ESRRB: variants seen among roughly 807,000 people sequenced by gnomAD.
ESRRB encodes the protein estrogen related receptor beta.
In ESRRB, 16 loss-of-function variants were observed where a neutral mutation model predicts 46.0. That is an observed-to-expected ratio of 0.35 (90% CI 0.24 to 0.53). The LOEUF is 0.53. Among genes scored for constraint, ESRRB ranks in the 20% least tolerant of loss-of-function variants. The pLI is 0.93. For missense variants in ESRRB, 488 were observed against 607.4 expected, an observed-to-expected ratio of 0.80 and a Z score of 2.07; for synonymous variants, 246 against 259.6, an observed-to-expected ratio of 0.95 and a Z score of 0.50.
At chr14:76,369,315 C>T (rs1292669735), upstream of ESRRB, among the ~76,000 whole-genome samples, 1 of 150,310 alleles carries the variant, frequency 6.7e-6, no homozygotes, top group Non-Finnish European at 1.5e-5. Context: ...AGCTCTGTCA[C>T]CTAGGCTGGA....
chr14:76,497,380 C>T (rs1890473556), intron 6 of ESRRB, among the ~76,000 whole-genome samples: 1 of 152,136 alleles, frequency 6.6e-6, no homozygotes, highest in Non-Finnish European at 1.5e-5. Context: ...GCTTCAGTCA[C>T]CCTCACCACC....
chr14:76,413,221 C>T (rs891808689), intron 1 of ESRRB, among the ~76,000 whole-genome samples: 1 of 152,130 alleles, frequency 6.6e-6, no homozygotes, highest in Admixed American at 6.5e-5. Flanking sequence ...TGAGCCTGCC[C>T]CTCAAAGGGT....
At chr14:76,330,058 C>T (rs1273750029) in intron 1 of ESRRB, among the ~76,000 whole-genome samples, 2 of 151,904 alleles carry the variant, frequency 1.3e-5, no homozygotes, top group African/African-American at 4.8e-5. Context: ...GGCAGAAGAG[C>T]GAATGACGGA....
chr14:76,339,940 C>T (rs531926716), intron 1 of ESRRB, among the ~76,000 whole-genome samples: 6 of 152,210 alleles, frequency 3.9e-5, no homozygotes, highest in South Asian at 4.2e-4. Flanking sequence ...AGGGAGAGGC[C>T]GGGACACATC....
intron 3 of ESRRB, among the ~76,000 whole-genome samples, chr14:76,467,387 G>A (rs560725408): frequency 9.5e-4 from 144 of 151,432 alleles, no homozygotes; most frequent in African/African-American, 3.4e-3. Flanking sequence ...TGTAATCCCA[G>A]CTACTCTGGA....
Position 76,376,571 on chromosome 14 carries a change from A to C in ESRRB, c.50+120A>C. ...AAAGTGGAAGGGACTTCGGGGGGGC[A>C]CTTGGGGGACGAAGGAGGGGAAAAG... On this transcript the variant is annotated intron_variant, in intron 1 of 6. Transcript: ENST00000644823. This position sits in a 1 kb window ranked among gnomAD's most constrained non-coding sequence, Gnocchi z 4.1. The C allele has an allele frequency of 1.6e-6, 1 of 631,892 alleles. No individual in the cohort carries two copies. The allele number at this position is 631,892 out of a possible 1,614,324, so 39.1% of individuals were successfully genotyped here.
At chr14:76,392,729 G>A (rs1304833244) in intron 1 of ESRRB, among the ~76,000 whole-genome samples, 1 of 152,228 alleles carries the variant, frequency 6.6e-6, no homozygotes, top group Non-Finnish European at 1.5e-5. Flanking sequence ...CTGCCACCAG[G>A]GCCTCATCCC....
intron 1 of ESRRB, among the ~76,000 whole-genome samples, chr14:76,364,893 T>C (rs930458364): frequency 4.6e-5 from 7 of 152,230 alleles, no homozygotes; most frequent in African/African-American, 1.7e-4. Flanking sequence ...ACAACAAAAT[T>C]ATTCTTGGTA....
rs1171264919 is a variant in ESRRB at position 76,441,864 on chromosome 14, G to C, written c.460+2114G>C. 2.6e-5 allele frequency among the ~76,000 whole-genome samples: 4 copies of C among 152,292 alleles called. No individual in the cohort carries two copies. In the East Asian group the frequency reaches 7.7e-4, roughly 29 times the overall value. ...TGCCCCTGCATCAGATCCCTTTCCA[G>C]GGCCCTGCCTCACTGTCCCCAGAAT... On this transcript the variant is annotated intron_variant, in intron 2 of 6. Coordinates refer to ENST00000644823, the MANE Select transcript of ESRRB (RefSeq NM_001379180.1).
At chr14:76,325,378 A>C (rs942144424) in intron 1 of ESRRB, among the ~76,000 whole-genome samples, 7 of 152,100 alleles carry the variant, frequency 4.6e-5, no homozygotes, top group Non-Finnish European at 1.0e-4. Flanking sequence ...TGGGGAGAGA[A>C]AGGGAGGGGT....
intron 1 of ESRRB, among the ~76,000 whole-genome samples, chr14:76,382,836 CT>C (rs201908180): frequency 6.6e-6 from 1 of 151,818 alleles, no homozygotes; most frequent in Non-Finnish European, 1.5e-5. Context: ...CTGAAAGTTT[CT>C]TTTTTAAAAA....
chr14:76,444,939 G>C (rs1169214478), intron 2 of ESRRB, among the ~76,000 whole-genome samples: 1 of 152,026 alleles, frequency 6.6e-6, no homozygotes, highest in South Asian at 2.1e-4. Flanking sequence ...GAGGCAGGAG[G>C]ATCCCTTGAA....
chr14:76,394,545 G>C (rs1885596660), intron 1 of ESRRB, among the ~76,000 whole-genome samples: 1 of 152,208 alleles, frequency 6.6e-6, no homozygotes, highest in South Asian at 2.1e-4. Flanking sequence ...AGCCTCATTT[G>C]CTCCAGCGCC....
chr14:76,466,343 A>T (rs1453475496), intron 3 of ESRRB, among the ~76,000 whole-genome samples: 1 of 152,166 alleles, frequency 6.6e-6, no homozygotes, highest in Non-Finnish European at 1.5e-5. Context: ...AGGTAAAATA[A>T]TCAGAGATCG....
At chr14:76,340,251 G>A (rs1884176372) in intron 1 of ESRRB, among the ~76,000 whole-genome samples, 1 of 152,224 alleles carries the variant, frequency 6.6e-6, no homozygotes, top group Non-Finnish European at 1.5e-5. Context: ...ACCCCTCAGA[G>A]TGATGACTGG....
Position 76,499,041 on chromosome 14 carries a change from G to T in ESRRB, c.*583G>T, listed in dbSNP as rs370077184. On this transcript the variant is annotated 3_prime_UTR_variant, in exon 7 of 7. Transcript: ENST00000644823. ...TTTCAGCCAGGGGGTACCCACAGGA[G>T]AGCAGCGGCTAGAGCTCAAGTGCTT... 8 of 350,728 alleles carry T rather than the reference G, an allele frequency of 2.3e-5. No homozygotes were observed. Among genetic ancestry groups the T allele is most frequent in the African/African-American group, 1.3e-4 (6 of 46,690 alleles). 21.7% of individuals were successfully genotyped at this position (350,728 alleles called of 1,614,324 possible).
upstream of ESRRB, among the ~76,000 whole-genome samples, chr14:76,373,325 C>A (rs934422437): frequency 1.3e-5 from 2 of 152,078 alleles, no homozygotes; most frequent in Non-Finnish European, 2.9e-5. Context: ...AGCCAAGAAC[C>A]CTGCCCACCC....
intron 1 of ESRRB, among the ~76,000 whole-genome samples, chr14:76,342,368 C>G (rs763299156): frequency 5.9e-5 from 9 of 152,162 alleles, no homozygotes; most frequent in Non-Finnish European, 8.8e-5. Context: ...TGAGGGGCAA[C>G]AGGGAACTTG....
intron 2 of ESRRB, among the ~76,000 whole-genome samples, chr14:76,459,319 A>C (rs1888755742): frequency 6.6e-6 from 1 of 152,072 alleles, no homozygotes; most frequent in South Asian, 2.1e-4. Context: ...ACTAGAGAGG[A>C]GCTGGAGTAG....
Sources: gnomAD v4.1 joint callset for allele counts (sites outside exome capture counted in the v4.1 genomes callset) on GRCh38, gnomAD v4.1.1 for gene constraint, Gnocchi (gnomAD v3.1) non-coding constraint, MANE v1.5 for transcripts, NCBI Gene and HGNC (gene_info 2026-07-23, HGNC 2026-07-21) for gene names.